RBFOX1: variants seen among roughly 807,000 people sequenced by gnomAD.
The protein encoded by RBFOX1 is RNA binding protein fox-1 homolog 1.
In RBFOX1, 8 loss-of-function variants were observed where a neutral mutation model predicts 57.7. That is an observed-to-expected ratio of 0.14 (90% CI 0.08 to 0.25). The LOEUF (loss-of-function observed/expected upper bound fraction) is 0.25. Among genes scored for constraint, RBFOX1 ranks in the 10% least tolerant of loss-of-function variants. The pLI is 1.00. For synonymous variants in RBFOX1, 326 were observed against 222.4 expected (o/e 1.47, Z -4.15); for missense variants, 611 against 548.5 (o/e 1.11, Z -1.14).
At chr16:6,246,418 G>A (rs2097569355) in intron 1 of RBFOX1, among the ~76,000 whole-genome samples, 1 of 152,078 alleles carries the variant, frequency 6.6e-6, no homozygotes, top group Non-Finnish European at 1.5e-5. Context: ...AAAAGCAAGG[G>A]ATTGCAAGTA....
At chr16:6,969,584 T>TA (rs78601900) in intron 3 of RBFOX1, among the ~76,000 whole-genome samples, 5,418 of 148,682 alleles carry the variant, frequency 0.036, 301 homozygotes, top group African/African-American at 0.12. Flanking sequence ...AAAATAAAAA[T>TA]AAAAAAAAAA....
chr16:5,572,036 A>T (rs2046301214), intron 2 of RBFOX1, among the ~76,000 whole-genome samples: 3 of 152,206 alleles, frequency 2.0e-5, no homozygotes. Context: ...AAAGAGGAAC[A>T]CAAGAAGCCC....
chr16:5,697,468 G>C (rs1455000660), intron 3 of RBFOX1, among the ~76,000 whole-genome samples: 1 of 150,772 alleles, frequency 6.6e-6, no homozygotes, highest in Admixed American at 6.6e-5. Context: ...TATTGCACGA[G>C]CTAGAGGACC....
At chr16:5,640,616 A>G (rs2048831119) in intron 3 of RBFOX1, among the ~76,000 whole-genome samples, 1 of 151,982 alleles carries the variant, frequency 6.6e-6, no homozygotes, top group African/African-American at 2.4e-5. Context: ...ATGCGCATAC[A>G]TATGCACACC....
At chr16:5,612,684 C>G (rs912985595) in intron 3 of RBFOX1, among the ~76,000 whole-genome samples, 2 of 152,180 alleles carry the variant, frequency 1.3e-5, no homozygotes, top group Non-Finnish European at 2.9e-5. Context: ...ATAGCATGTG[C>G]AAAGGCCCTG....
At chr16:7,101,928 T>C (rs1017784910) in intron 4 of RBFOX1, among the ~76,000 whole-genome samples, 8 of 152,102 alleles carry the variant, frequency 5.3e-5, no homozygotes, top group Admixed American at 2.6e-4. Flanking sequence ...GATTGAAGCA[T>C]AGTTGGTGCT....
At chr16:7,235,962 G>T (rs906968835) in intron 4 of RBFOX1, among the ~76,000 whole-genome samples, 2 of 152,130 alleles carry the variant, frequency 1.3e-5, no homozygotes, top group African/African-American at 4.8e-5. Flanking sequence ...ATTAGAAAGG[G>T]TGCATTTTCT....
At chr16:5,712,061 A>T (rs1036642877) in intron 3 of RBFOX1, among the ~76,000 whole-genome samples, 1 of 152,218 alleles carries the variant, frequency 6.6e-6, no homozygotes, top group Non-Finnish European at 1.5e-5. Flanking sequence ...CATGTCTTAC[A>T]TGGTGGCAGG....
At chr16:7,465,472 C>G (rs1429835267) in intron 4 of RBFOX1, among the ~76,000 whole-genome samples, 3 of 152,192 alleles carry the variant, frequency 2.0e-5, no homozygotes, top group South Asian at 2.1e-4. Flanking sequence ...TCTCTACTTT[C>G]CTATAAGGAG....
chr16:5,538,826 C>G (rs1299866732), intron 2 of RBFOX1, among the ~76,000 whole-genome samples: 1 of 152,058 alleles, frequency 6.6e-6, no homozygotes, highest in Non-Finnish European at 1.5e-5. Flanking sequence ...CAGAGTTTCA[C>G]TGTGTTAGCC....
chr16:6,251,763 C>G (rs1476799807), intron 1 of RBFOX1, among the ~76,000 whole-genome samples: 1 of 151,994 alleles, frequency 6.6e-6, no homozygotes, highest in African/African-American at 2.4e-5. Flanking sequence ...TTCATGCTGC[C>G]CCTAATGACG....
chr16:6,116,973 T>G (rs1393803822), intron 1 of RBFOX1, among the ~76,000 whole-genome samples: 1 of 152,168 alleles, frequency 6.6e-6, no homozygotes, highest in Non-Finnish European at 1.5e-5. Flanking sequence ...TGGCAGATAC[T>G]AGAAGTCCTT....
At chr16:7,684,151 G>T (rs117362146) in intron 14 of RBFOX1, among the ~76,000 whole-genome samples, 1,795 of 152,162 alleles carry the variant, frequency 0.012, 17 homozygotes, top group Non-Finnish European at 0.02. Context: ...TTTCAATGTG[G>T]CCTCTAATTT....
chr16:6,000,411 C>T (rs2060576461), intron 4 of RBFOX1, among the ~76,000 whole-genome samples: 3 of 152,132 alleles, frequency 2.0e-5, no homozygotes, highest in Non-Finnish European at 4.4e-5. Context: ...GGGGGCGTTT[C>T]CTTTGCCAGA....
chr16:5,356,406 T>C (rs988701673), intron 1 of RBFOX1, among the ~76,000 whole-genome samples: 2 of 152,218 alleles, frequency 1.3e-5, no homozygotes, highest in Admixed American at 6.5e-5. Context: ...GACTAAACTT[T>C]CTTCGTGACT....
At chr16:6,292,950 G>A (rs946390420) in intron 1 of RBFOX1, among the ~76,000 whole-genome samples, 4 of 152,140 alleles carry the variant, frequency 2.6e-5, no homozygotes, top group Admixed American at 6.5e-5. Flanking sequence ...TACACACAGT[G>A]ATATACCGTA....
At chr16:5,957,902 A>T (rs1365871975) in intron 4 of RBFOX1, among the ~76,000 whole-genome samples, 1 of 152,110 alleles carries the variant, frequency 6.6e-6, no homozygotes, top group Non-Finnish European at 1.5e-5. Context: ...ATTAAGTAGA[A>T]GGTCTTATTC....
chr16:7,263,263 C>T (rs1014506551), intron 4 of RBFOX1, among the ~76,000 whole-genome samples: 1 of 152,138 alleles, frequency 6.6e-6, no homozygotes, highest in South Asian at 2.1e-4. Flanking sequence ...ATCCTTAGTA[C>T]CCAGGAAGCA....
At position 6,859,140 on chromosome 16, in the gene RBFOX1, CGTATATATATATGTATATATAT is replaced by C; in HGVS notation, c.-15-192916_-15-192895del. 3.3e-5 allele frequency among the ~76,000 whole-genome samples: 3 copies of C among 91,506 alleles called. 1 individual carries two copies. In the South Asian group the frequency reaches 1.0e-3, roughly 31 times the overall value. 60.0% of individuals were successfully genotyped at this position (91,506 alleles called of 152,430 possible). On this transcript the variant is annotated intron_variant, in intron 3 of 15. Coordinates refer to ENST00000550418, the MANE Select transcript of RBFOX1 (RefSeq NM_018723.4). ...ATATATATATATATACATATATATA[CGTATATATATATGTATATATAT>C]ACGTATATATATGTATATATATGTA...
Sources: allele counts gnomAD v4.1 joint callset (sites outside exome capture counted in the v4.1 genomes callset), GRCh38; gene constraint gnomAD v4.1.1; transcripts MANE v1.5; gene names NCBI Gene and HGNC (gene_info 2026-07-23, HGNC 2026-07-21).